The following MRC1 variants were observed in gnomAD, a reference collection of about 807,000 sequenced individuals.
The protein encoded by MRC1 is macrophage mannose receptor 1.
MRC1 carries 62 observed loss-of-function variants against 102.9 expected under a neutral mutation model. That is an observed-to-expected ratio of 0.60 (90% CI 0.49 to 0.74). The LOEUF is 0.74. MRC1 is among the 30% of genes least tolerant of loss of function. The pLI is 0.00. For missense variants in MRC1, 1,237 were observed against 862.8 expected (o/e 1.43, Z -5.43); for synonymous variants, 457 against 298.4 (o/e 1.53, Z -5.48).
At chr10:17,895,669 T>G (rs1275164659) in intron 23 of MRC1, among the ~76,000 whole-genome samples, 2 of 152,140 alleles carry the variant, frequency 1.3e-5, no homozygotes, top group Non-Finnish European at 2.9e-5. Flanking sequence ...ATTAAGATGG[T>G]GTTTATATAC....
intron 16 of MRC1, 147 bp from the exon 17 acceptor site, chr10:17,874,943 C>T (rs1384353698): frequency 4.0e-5 from 28 of 701,194 alleles, no homozygotes; most frequent in Middle Eastern, 7.1e-4. Context: ...CTGTATTTGA[C>T]GTGGACATTC....
chr10:17,853,050 T>C lies in MRC1; in HGVS notation c.1333T>C (p.Phe445Leu). The part of the protein sequence containing the change: ...FEWSDGTPVT[F>L]TKWLRGEPSH... ...GTGGAGTGATGGGACCCCTGTAACG[T>C]TTACCAAATGGCTTCGTGGAGAACC... Residue 445 changes from phenylalanine (F) to leucine (L), a missense_variant, in exon 8 of 30, where the codon TTT (phenylalanine) becomes CTT (leucine). Transcript: ENST00000569591. 1 of 780,738 alleles carries C rather than the reference T, an allele frequency of 1.3e-6. No homozygotes were observed. Among genetic ancestry groups the C allele is most frequent in the South Asian group, 1.3e-5 (1 of 74,602 alleles). The allele number at this position is 780,738 out of a possible 1,614,324, so 48.4% of individuals were successfully genotyped here. A position where few individuals can be genotyped will look rare whatever the true frequency, so the allele number is the denominator to read the frequency against.
At chr10:17,819,139 C>T (rs1838355902) in intron 1 of MRC1, among the ~76,000 whole-genome samples, 1 of 152,116 alleles carries the variant, frequency 6.6e-6, no homozygotes, top group Non-Finnish European at 1.5e-5. Flanking sequence ...ATTGAGTGAA[C>T]ATTCAACCAG....
chr10:17,818,457 A>G (rs1294534791), intron 1 of MRC1, among the ~76,000 whole-genome samples: 2 of 152,208 alleles, frequency 1.3e-5, no homozygotes, highest in African/African-American at 4.8e-5. Context: ...TAAGATGGTT[A>G]TGGATATTAT....
intron 22 of MRC1, 80 bp from the exon 23 acceptor site, chr10:17,894,130 T>A (rs1002331950): frequency 1.2e-6 from 1 of 843,384 alleles, no homozygotes; most frequent in Non-Finnish European, 2.1e-6. Flanking sequence ...TAATGAAAGA[T>A]TTTTTTGCTT....
At chr10:17,810,731 T>A (rs960353026) in intron 1 of MRC1, among the ~76,000 whole-genome samples, 86 of 152,228 alleles carry the variant, frequency 5.6e-4, no homozygotes, top group Non-Finnish European at 9.3e-4. Context: ...AAGTGTTAGC[T>A]ATTAAAATCA....
At chr10:17,900,685 T>C (rs1833817368) in intron 24 of MRC1, 103 bp from the exon 25 acceptor site, 1 of 768,280 alleles carries the variant, frequency 1.3e-6, no homozygotes, top group Admixed American at 1.8e-5. Flanking sequence ...AGGTTCTATG[T>C]CAAATCATGG....
chr10:17,871,947 T>C lies in MRC1; in HGVS notation c.2200-35T>C, dbSNP rs1275265052. 5.2e-6 allele frequency: 4 copies of C among 776,362 alleles called. No individual in the cohort carries two copies. In the African/African-American group the frequency reaches 6.8e-5, roughly 13 times the overall value. 48.1% of individuals were successfully genotyped at this position (776,362 alleles called of 1,614,324 possible). Reference sequence around the variant, plus strand: ...ATGATTGGCATTGGCTTGATACAAATGGTTAATGGTTGTAGTTTAATGTTT... The same window carrying C: ...ATGATTGGCATTGGCTTGATACAAACGGTTAATGGTTGTAGTTTAATGTTT... On this transcript the variant is annotated intron_variant, in intron 14 of 29. Transcript: ENST00000569591.
chr10:17,868,438 A>G (rs1833309057), intron 12 of MRC1, among the ~76,000 whole-genome samples: 1 of 152,156 alleles, frequency 6.6e-6, no homozygotes. Flanking sequence ...ATTCACAAGA[A>G]CAGCATGGGG....
chr10:17,867,003 C>T (rs1833278782), intron 12 of MRC1, among the ~76,000 whole-genome samples: 3 of 152,072 alleles, frequency 2.0e-5, no homozygotes, highest in Admixed American at 2.0e-4. Context: ...TTTTTCTCAC[C>T]TGCTCTGCCG....
chr10:17,855,214 T>C (rs1425434803), intron 8 of MRC1, among the ~76,000 whole-genome samples: 2 of 152,000 alleles, frequency 1.3e-5, no homozygotes, highest in African/African-American at 2.4e-5. Context: ...GCAGGAGATT[T>C]TTCTGGATGG....
intron 4 of MRC1, among the ~76,000 whole-genome samples, chr10:17,834,566 C>A (rs1838634300): frequency 6.6e-6 from 1 of 152,148 alleles, no homozygotes; most frequent in Admixed American, 6.5e-5. Context: ...GTGCTTGCCA[C>A]CATGCCCAGC....
chr10:17,841,339 A>G (rs1554839891), intron 5 of MRC1, among the ~76,000 whole-genome samples: 1 of 152,230 alleles, frequency 6.6e-6, no homozygotes, highest in Non-Finnish European at 1.5e-5. Context: ...TGATTTTAAC[A>G]TCTACATTAA....
intron 5 of MRC1, among the ~76,000 whole-genome samples, chr10:17,841,788 G>A (rs990345327): frequency 1.6e-4 from 23 of 142,734 alleles, no homozygotes; most frequent in East Asian, 1.0e-3. Flanking sequence ...GATTAGTGAC[G>A]TCTGCCGTGG....
At chr10:17,867,174 C>T (rs1011414579) in intron 12 of MRC1, among the ~76,000 whole-genome samples, 54 of 148,732 alleles carry the variant, frequency 3.6e-4, no homozygotes, top group African/African-American at 1.1e-3. Flanking sequence ...TTCCTTCCTC[C>T]TTTCCATCTT....
At chr10:17,890,888 C>G (rs1554843056) in intron 22 of MRC1, among the ~76,000 whole-genome samples, 1 of 152,096 alleles carries the variant, frequency 6.6e-6, no homozygotes, top group South Asian at 2.1e-4. Flanking sequence ...CGTTCCTCGT[C>G]ACTCGCATCA....
Position 17,856,405 on chromosome 10 carries a change from C to T in MRC1, c.1518+53C>T, listed in dbSNP as rs537977742. The T allele has an allele frequency of 5.3e-4, 433 of 809,934 alleles. 2 individuals carry two copies. The highest frequency in any genetic ancestry group is 7.8e-4 in the Non-Finnish European group (363 of 467,802). The allele number at this position is 809,934 out of a possible 1,614,324, so 50.2% of individuals were successfully genotyped here. A position where few individuals can be genotyped will look rare whatever the true frequency, so the allele number is the denominator to read the frequency against. On this transcript the variant is annotated intron_variant, in intron 9 of 29. Transcript: ENST00000569591. ...AAGCTGAGCACGTATGAGTTGATAC[C>T]GTTGGCTTTATTTTTATGTGTGAAA...
chr10:17,844,649 T>C (rs555031689), intron 5 of MRC1, among the ~76,000 whole-genome samples: 4,470 of 152,296 alleles, frequency 0.029, 248 homozygotes, highest in African/African-American at 0.1. Flanking sequence ...TGCTGAGGTT[T>C]GGGATATAAA....
intron 8 of MRC1, among the ~76,000 whole-genome samples, chr10:17,855,195 G>A (rs1297661220): frequency 4.6e-5 from 7 of 152,282 alleles, no homozygotes; most frequent in African/African-American, 1.7e-4. Flanking sequence ...TCAAGTTGGT[G>A]TGTTGGGTGC....
Sources: gnomAD v4.1 joint callset for allele counts (sites outside exome capture counted in the v4.1 genomes callset) on GRCh38, gnomAD v4.1.1 for gene constraint, MANE v1.5 for transcripts, NCBI Gene and HGNC (gene_info 2026-07-23, HGNC 2026-07-21) for gene names.